The following TRAPPC8 variants were observed in gnomAD, a reference collection of about 807,000 sequenced individuals.
The protein encoded by TRAPPC8 is general sporulation gene 1 homolog.
A neutral mutation model predicts 174.3 loss-of-function variants in TRAPPC8; 54 were observed. The observed-to-expected ratio is 0.31, with a 90% CI of 0.25 to 0.39. The LOEUF is 0.39. Ranked by LOEUF, TRAPPC8 falls within the 10% of genes least tolerant of loss-of-function variation. TRAPPC8 has a pLI of 1.00. For synonymous variants in TRAPPC8, 630 were observed against 579.9 expected, an observed-to-expected ratio of 1.09 and a Z score of -1.24; for missense variants, 1,531 against 1,699.1, an observed-to-expected ratio of 0.90 and a Z score of 1.74.
chr18:31,939,012 G>A (rs368345656), intron 1 of TRAPPC8, among the ~76,000 whole-genome samples: 222 of 148,590 alleles, frequency 1.5e-3, no homozygotes, highest in African/African-American at 5.2e-3. Flanking sequence ...CCCGGGAGGC[G>A]GAGCTTGCAG....
intron 5 of TRAPPC8, among the ~76,000 whole-genome samples, chr18:31,910,189 G>A (rs934229476): frequency 2.0e-5 from 3 of 152,092 alleles, no homozygotes; most frequent in East Asian, 1.9e-4. Context: ...AGTGTAAGCA[G>A]GTTGGAGTGA....
chr18:31,934,417 T>C (rs1039666253), intron 1 of TRAPPC8, among the ~76,000 whole-genome samples: 10 of 152,132 alleles, frequency 6.6e-5, no homozygotes, highest in African/African-American at 2.4e-4. Context: ...CATTCTTCTA[T>C]AACTGTTATG....
intron 24 of TRAPPC8, among the ~76,000 whole-genome samples, chr18:31,850,131 C>T (rs750494820): frequency 2.0e-5 from 3 of 151,904 alleles, no homozygotes; most frequent in Admixed American, 6.6e-5. Context: ...TTTGTAGAGA[C>T]GGGGTTTTGC....
intron 26 of TRAPPC8, chr18:31,844,724 A>G (rs2033296204): frequency 6.6e-6 from 1 of 151,558 alleles, no homozygotes; most frequent in South Asian, 2.1e-4. Flanking sequence ...TCAAAAAAAA[A>G]AAAAAAGAAA....
intron 12 of TRAPPC8, among the ~76,000 whole-genome samples, chr18:31,890,332 A>G (rs896752665): frequency 6.6e-6 from 1 of 152,218 alleles, no homozygotes; most frequent in African/African-American, 2.4e-5. Flanking sequence ...AGCATTATAA[A>G]GCACTCTGAA....
At position 31,890,799 on chromosome 18, in the gene TRAPPC8, G is replaced by A; in HGVS notation, c.1664C>T (p.Pro555Leu). Residue 555 changes from proline (P) to leucine (L), a missense_variant, in exon 12 of 29, where the codon CCC becomes CTC. Physicochemically the swap from Pro to Leu is moderately conservative, Grantham distance 98 (BLOSUM62 -3). Coordinates refer to ENST00000283351, the MANE Select transcript of TRAPPC8 (RefSeq NM_014939.5). ...AAHCFINMKS[P>L]MVRKYAFHMI... is the part of the protein sequence containing the mutation. Reference sequence around the variant, plus strand: ...ATGAAATGCATATTTTCTAACCATGGGACTTTTCATGTTTATAAAGCAATG... The same window carrying A: ...ATGAAATGCATATTTTCTAACCATGAGACTTTTCATGTTTATAAAGCAATG... The A allele has an allele frequency of 1.9e-6, 3 of 1,612,182 alleles. No individual in the cohort carries two copies. Among genetic ancestry groups the A allele is most frequent in the Non-Finnish European group, 2.5e-6 (3 of 1,178,934 alleles).
chr18:31,871,938 T>C (rs2034884883), intron 14 of TRAPPC8, among the ~76,000 whole-genome samples: 1 of 152,144 alleles, frequency 6.6e-6, no homozygotes, highest in African/African-American at 2.4e-5. Context: ...ATGACAAAGT[T>C]TAACAGCCAT....
In TRAPPC8 at chr18:31,912,494, CA is replaced by C. The variant is rs139915586; in HGVS notation, c.771+874del. ...GCAACAGAGCGAGACTCTTTGTCTC[CA>C]AAAAAAAAATTAGCCGGGCATGGTG... On this transcript the variant is annotated intron_variant, in intron 5 of 28. Coordinates refer to ENST00000283351, the MANE Select transcript of TRAPPC8 (RefSeq NM_014939.5). Among the ~76,000 whole-genome samples, 17 of 148,062 alleles carry C rather than the reference CA, an allele frequency of 1.1e-4. No homozygotes were observed. In the South Asian group the frequency reaches 3.4e-3, roughly 30 times the overall value.
chr18:31,929,796 C>T (rs895075229), intron 2 of TRAPPC8, among the ~76,000 whole-genome samples: 4 of 152,218 alleles, frequency 2.6e-5, no homozygotes, highest in African/African-American at 9.6e-5. Flanking sequence ...CACACTACAA[C>T]ACTGATGAGA....
chr18:31,877,338 C>T (rs187363334), intron 12 of TRAPPC8, among the ~76,000 whole-genome samples: 6 of 152,162 alleles, frequency 3.9e-5, no homozygotes, highest in East Asian at 1.9e-4. Context: ...CCTGGCCGGG[C>T]GCGGTGGCTC....
rs1188505652 is a variant in TRAPPC8, at chr18:31,931,332, T to C, written c.349A>G (p.Ser117Gly). The C allele has an allele frequency of 6.4e-7, 1 of 1,552,056 alleles. No individual in the cohort carries two copies. The change falls in exon 2 of 29, where the codon AGT becomes GGT. Residue 117 changes from serine to glycine, a missense_variant. Physicochemically the swap from Ser to Gly is moderately conservative, Grantham distance 56. Coordinates refer to ENST00000283351, the MANE Select transcript of TRAPPC8 (RefSeq NM_014939.5). Reference protein sequence around the residue: ...ITAGDYDLNISATTPWFESYR... With the variant: ...ITAGDYDLNIGATTPWFESYR... ...AACAATAAACCTTGTTACATACCAC[T>C]GATGTTAAGGTCATAATCTCCTGCT...
chr18:31,911,107 A>C (rs2036884649), intron 5 of TRAPPC8, among the ~76,000 whole-genome samples: 2 of 152,230 alleles, frequency 1.3e-5, no homozygotes, highest in South Asian at 4.1e-4. Flanking sequence ...AGATTAAACA[A>C]TACTTATATC....
chr18:31,856,312 T>C (rs573456189), intron 20 of TRAPPC8, among the ~76,000 whole-genome samples: 1 of 152,088 alleles, frequency 6.6e-6, no homozygotes, highest in South Asian at 2.1e-4. Context: ...GCCATATTCA[T>C]CATCTTCATC....
intron 8 of TRAPPC8, among the ~76,000 whole-genome samples, 165 bp from the exon 9 acceptor site, chr18:31,907,775 G>A (rs1338545953): frequency 6.6e-6 from 1 of 152,056 alleles, no homozygotes; most frequent in African/African-American, 2.4e-5. Context: ...AAAATACCTG[G>A]AAACAGAAAG....
intron 17 of TRAPPC8, 83 bp from the exon 18 acceptor site, chr18:31,867,058 A>G: frequency 7.0e-7 from 1 of 1,424,602 alleles, no homozygotes; most frequent in Non-Finnish European, 9.5e-7. Flanking sequence ...TGTTGCAAAA[A>G]CATAAACTCA....
intron 19 of TRAPPC8, among the ~76,000 whole-genome samples, chr18:31,864,108 A>G (rs1250696733): frequency 6.7e-6 from 1 of 149,548 alleles, no homozygotes; most frequent in African/African-American, 2.4e-5. Flanking sequence ...ATACTTTAGT[A>G]TTACAGAACA....
intron 2 of TRAPPC8, among the ~76,000 whole-genome samples, chr18:31,927,052 T>C (rs1365550924): frequency 6.6e-6 from 1 of 152,136 alleles, no homozygotes; most frequent in African/African-American, 2.4e-5. Flanking sequence ...CAGATCACTG[T>C]TGTTTTTTCC....
rs1263860174 is a variant in TRAPPC8 at position 31,867,545 on chromosome 18, A to G, written c.2389-69T>C. ...TATCAGATTATTAACACTCCTATAT[A>G]TCAATACTTCAAAAAAATAACACTA... On this transcript the variant is annotated intron_variant, in intron 16 of 28. Transcript: ENST00000283351. 5.0e-6 allele frequency: 5 copies of G among 1,009,808 alleles called. No individual in the cohort carries two copies. The African/African-American group carries it at 8.2e-5, about 17-fold the overall frequency. The allele number at this position is 1,009,808 out of a possible 1,614,324, so 62.6% of individuals were successfully genotyped here.
chr18:31,845,396 A>G (rs2033345623), intron 26 of TRAPPC8, among the ~76,000 whole-genome samples: 1 of 152,026 alleles, frequency 6.6e-6, no homozygotes, highest in African/African-American at 2.4e-5. Context: ...CTTTGATAGC[A>G]TTTGAATATG....
Sources: allele counts gnomAD v4.1 joint callset (sites outside exome capture counted in the v4.1 genomes callset), GRCh38; gene constraint gnomAD v4.1.1; transcripts MANE v1.5; gene names NCBI Gene and HGNC (gene_info 2026-07-23, HGNC 2026-07-21).